The following RNF19A variants were observed in gnomAD, a reference collection of about 807,000 sequenced individuals.
RNF19A encodes the protein ring finger protein 19A, RBR E3 ubiquitin protein ligase, also known as E3 ubiquitin-protein ligase RNF19A.
A neutral mutation model predicts 75.7 loss-of-function variants in RNF19A; 32 were observed. The ratio of observed to expected loss-of-function variants is 0.42; its 90% CI spans 0.32 to 0.57. The LOEUF is 0.57. Among genes scored for constraint, RNF19A ranks in the 20% least tolerant of loss-of-function variants. The pLI is 0.10. For synonymous variants in RNF19A, 335 were observed against 345.2 expected (o/e 0.97, Z 0.33); for missense variants, 782 against 1,036.3 (o/e 0.75, Z 3.37).
rs1819581666 is a variant in RNF19A, at chr8:100,258,959, G to A, written c.2114C>T (p.Ser705Leu). 1 of 1,614,200 alleles carries A rather than the reference G, an allele frequency of 6.2e-7. No homozygotes were observed. The highest frequency in any genetic ancestry group is 8.5e-7 in the Non-Finnish European group (1 of 1,180,026). ...GAGGGATGGAGCCTCAAATTCACTTGAGTTCGTGCTTTGTTGTTCTAACAA... is the reference window on the plus strand; with the variant it reads ...GAGGGATGGAGCCTCAAATTCACTTAAGTTCGTGCTTTGTTGTTCTAACAA... ...AQLLEQQSTNSSEFEAPSLSD... is the reference protein window; with the variant it reads ...AQLLEQQSTNLSEFEAPSLSD... Residue 705 changes from serine to leucine, a missense_variant, in exon 10 of 10, where the codon TCA (serine) becomes TTA (leucine). Around this residue, in one of 7 missense-constraint regions of RNF19A, gnomAD observed 442 missense variants for 541.6 expected, o/e 0.82. Transcript: ENST00000341084. The surrounding 1 kb of genome is among the most constrained non-coding windows in gnomAD (Gnocchi z 4.3).
At chr8:100,334,789 C>G (rs1822655487) in intron 1 of RNF19A, among the ~76,000 whole-genome samples, 1 of 152,206 alleles carries the variant, frequency 6.6e-6, no homozygotes, top group Admixed American at 6.5e-5. Flanking sequence ...GCCAGAGACT[C>G]CAAAGAGACG....
chr8:100,316,774 C>T (rs920963628), intron 1 of RNF19A, among the ~76,000 whole-genome samples: 2 of 152,268 alleles, frequency 1.3e-5, no homozygotes, highest in Non-Finnish European at 2.9e-5. Context: ...TGCGCTCTCG[C>T]ACTCCTCAGC....
rs1169284719 is a variant in RNF19A at position 100,331,510 on chromosome 8, A to G, written c.-243+4598T>C. ...AAAGTAGCTGGGCATGGTGGCATGC[A>G]CCAGCAGTCCCAGCTACTCGGGAGG... On this transcript the variant is annotated intron_variant, in intron 1 of 3. Coordinates refer to the RNF19A transcript ENST00000519527. The surrounding 1 kb of genome is among the most constrained non-coding windows in gnomAD (Gnocchi z 5.2). Among the ~76,000 whole-genome samples the G allele has an allele frequency of 6.6e-6, 1 of 151,942 alleles. No individual in the cohort carries two copies. Among genetic ancestry groups the G allele is most frequent in the East Asian group, 1.9e-4 (1 of 5,184 alleles).
intron 3 of RNF19A, among the ~76,000 whole-genome samples, chr8:100,273,927 C>T (rs992542203): frequency 3.3e-5 from 5 of 152,144 alleles, no homozygotes; most frequent in South Asian, 4.2e-4. Context: ...GGATTACAGG[C>T]GCCCGCCACC....
chr8:100,293,175 C>A (rs957631942), intron 1 of RNF19A, among the ~76,000 whole-genome samples: 2 of 152,226 alleles, frequency 1.3e-5, no homozygotes, highest in African/African-American at 4.8e-5. Context: ...TCCTAACAGG[C>A]CACACACTGT....
Position 100,275,505 on chromosome 8 carries a change from A to G in RNF19A, c.675-344T>C, listed in dbSNP as rs951829147. Among the ~76,000 whole-genome samples, 3 of 151,962 alleles carry G rather than the reference A, an allele frequency of 2.0e-5. No individual in the cohort carries two copies. The highest frequency in any genetic ancestry group is 4.4e-5 in the Non-Finnish European group (3 of 67,994). The stretch of plus-strand genomic sequence containing the variant: ...GGGCTTCTAATGATTCTGTCGCCCA[A>G]ACAGTGAACACAGTACCTGACAGGC... On this transcript the variant is annotated intron_variant, in intron 2 of 9. Coordinates refer to ENST00000341084, the MANE Select transcript of RNF19A (RefSeq NM_183419.4). The surrounding 1 kb of genome is among the most constrained non-coding windows in gnomAD (Gnocchi z 4.3).
intron 1 of RNF19A, among the ~76,000 whole-genome samples, chr8:100,315,789 G>A (rs1263621340): frequency 6.6e-6 from 1 of 152,190 alleles, no homozygotes; most frequent in African/African-American, 2.4e-5. Context: ...GACTACAGGT[G>A]TGTGGCACCA....
At chr8:100,314,341 A>G (rs1184858578), upstream of RNF19A, among the ~76,000 whole-genome samples, 2 of 152,138 alleles carry the variant, frequency 1.3e-5, no homozygotes, top group East Asian at 3.8e-4. This position sits in a 1 kb window ranked among gnomAD's most constrained non-coding sequence, Gnocchi z 4.1. Context: ...CACTTAGTTT[A>G]TCATCAAGAA....
chr8:100,313,178 T>C, upstream of RNF19A: 2 of 201,132 alleles, frequency 9.9e-6, no homozygotes, highest in Non-Finnish European at 1.8e-5. Flanking sequence ...GTGTTTGCCA[T>C]TACAGGCACT....
At position 100,260,004 on chromosome 8, in the gene RNF19A, G is replaced by A; in HGVS notation, c.1683-7C>T. On this transcript the variant is annotated splice_polypyrimidine_tract_variant and splice_region_variant and intron_variant, in intron 8 of 9. Coordinates refer to ENST00000341084, the MANE Select transcript of RNF19A (RefSeq NM_183419.4). This position sits in a 1 kb window ranked among gnomAD's most constrained non-coding sequence, Gnocchi z 4.1. ...ATCTGCTTGTACTTCCAACCTTAAA[G>A]GGGGGTATGAAATCACCAAAATTAT... The A allele has an allele frequency of 1.2e-6, 2 of 1,611,996 alleles. No homozygotes were observed. Among genetic ancestry groups the A allele is most frequent in the Non-Finnish European group, 1.7e-6 (2 of 1,178,660 alleles).
At position 100,264,410 on chromosome 8, in the gene RNF19A, G is replaced by A. The variant is rs1386534334; in HGVS notation, c.1307-215C>T. ...GGTAATGCACATAAGGGGAAAAAGAGAGAGATGCAAACTTTTTTCTTTTGA... is the reference window on the plus strand; with the variant it reads ...GGTAATGCACATAAGGGGAAAAAGAAAGAGATGCAAACTTTTTTCTTTTGA... On this transcript the variant is annotated intron_variant, in intron 6 of 9. Coordinates refer to ENST00000341084, the MANE Select transcript of RNF19A (RefSeq NM_183419.4). This position sits in a 1 kb window ranked among gnomAD's most constrained non-coding sequence, Gnocchi z 4.7. The A allele has an allele frequency of 1.4e-5, 8 of 580,964 alleles. No individual in the cohort carries two copies. Among genetic ancestry groups the A allele is most frequent in the Non-Finnish European group, 2.4e-5 (8 of 334,416 alleles). The allele number at this position is 580,964 out of a possible 1,614,324, so 36.0% of individuals were successfully genotyped here. A position where few individuals can be genotyped will look rare whatever the true frequency, so the allele number is the denominator to read the frequency against.
chr8:100,286,634 A>C (rs1821033567), intron 2 of RNF19A, among the ~76,000 whole-genome samples: 1 of 152,172 alleles, frequency 6.6e-6, no homozygotes, highest in Non-Finnish European at 1.5e-5. Context: ...TCAGGTAATG[A>C]GTCTTGAAGT....
At chr8:100,272,525 C>G (rs1820305944) in intron 3 of RNF19A, among the ~76,000 whole-genome samples, 1 of 151,538 alleles carries the variant, frequency 6.6e-6, no homozygotes, top group Non-Finnish European at 1.5e-5. Flanking sequence ...TGCGAGAAGC[C>G]AAGTTCACTA....
At position 100,332,367 on chromosome 8, in the gene RNF19A, T is replaced by G. The variant is rs1300264479; in HGVS notation, c.-243+3741A>C. 6.6e-6 allele frequency among the ~76,000 whole-genome samples: 1 copy of G among 152,216 alleles called. No individual in the cohort carries two copies. The highest frequency in any genetic ancestry group is 1.5e-5 in the Non-Finnish European group (1 of 68,036). ...TTTTATAAGTGTCTGGCATTTCCCTTGTTTGCACTTCTTTCTCTCCTGCCG... is the reference window on the plus strand; with the variant it reads ...TTTTATAAGTGTCTGGCATTTCCCTGGTTTGCACTTCTTTCTCTCCTGCCG... On this transcript the variant is annotated intron_variant, in intron 1 of 3. Transcript: ENST00000519527. This position sits in a 1 kb window ranked among gnomAD's most constrained non-coding sequence, Gnocchi z 4.8.
Position 100,275,203 on chromosome 8 carries a change from C to T in RNF19A, c.675-42G>A, listed in dbSNP as rs1350199696. The T allele has an allele frequency of 6.5e-7, 1 of 1,540,240 alleles. No homozygotes were observed. The highest frequency in any genetic ancestry group is 2.2e-5 in the East Asian group (1 of 44,526). ...AAATGATTTAAAATGTGACATAAAA[C>T]AAGAGATACTCATTTCAAAAAGTAT... On this transcript the variant is annotated intron_variant, in intron 2 of 9. Coordinates refer to ENST00000341084, the MANE Select transcript of RNF19A (RefSeq NM_183419.4). This position sits in a 1 kb window ranked among gnomAD's most constrained non-coding sequence, Gnocchi z 4.3.
upstream of RNF19A, among the ~76,000 whole-genome samples, chr8:100,310,615 C>G (rs771094017): frequency 1.3e-5 from 2 of 152,232 alleles, no homozygotes; most frequent in Non-Finnish European, 2.9e-5. Flanking sequence ...AATGTCCTTT[C>G]CCAGAGGACG....
At chr8:100,286,069 C>T (rs1821003147) in intron 2 of RNF19A, among the ~76,000 whole-genome samples, 1 of 152,190 alleles carries the variant, frequency 6.6e-6, no homozygotes, top group African/African-American at 2.4e-5. Context: ...TGGAAATGCA[C>T]ACTTGCACCT....
chr8:100,323,871 A>G lies in RNF19A; in HGVS notation c.-242-10499T>C, dbSNP rs1788187. 0.46 allele frequency among the ~76,000 whole-genome samples: 70,425 copies of G among 151,992 alleles called. 17,282 individuals are homozygous for G. Among genetic ancestry groups the G allele is most frequent in the African/African-American group, 0.64 (26,391 of 41,450 alleles). On this transcript the variant is annotated intron_variant, in intron 1 of 3. Coordinates refer to the RNF19A transcript ENST00000519527. The surrounding 1 kb of genome is among the most constrained non-coding windows in gnomAD (Gnocchi z 4.6). The stretch of plus-strand genomic sequence containing the variant: ...GTTGTTTGTAAAATGACTGTGCCAA[A>G]CCAACATTCCTGTCAACGATCAAAG...
At position 100,328,540 on chromosome 8, in the gene RNF19A, C is replaced by T. The variant is rs1822569592; in HGVS notation, c.-243+7568G>A. Among the ~76,000 whole-genome samples the T allele has an allele frequency of 2.6e-5, 4 of 151,832 alleles. No homozygotes were observed. The South Asian group carries it at 8.3e-4, about 32-fold the overall frequency. On this transcript the variant is annotated intron_variant, in intron 1 of 3. Transcript: ENST00000519527. ...AGGCTGGAGTGCAGTGGCACAATCT[C>T]GGCTCCCTGCAACCTCCACCTCCCG...
Sources: allele counts gnomAD v4.1 joint callset (sites outside exome capture counted in the v4.1 genomes callset), GRCh38; gene constraint gnomAD v4.1.1; regional missense constraint gnomAD v4.1.1; non-coding constraint Gnocchi (gnomAD v3.1); transcripts MANE v1.5; gene names NCBI Gene and HGNC (gene_info 2026-07-23, HGNC 2026-07-21).